Variants in DAB1 observed in about 807,000 individuals in gnomAD.
DAB1 encodes the protein DAB adaptor protein 1.
In DAB1, 15 loss-of-function variants were observed where a neutral mutation model predicts 64.6. The ratio of observed to expected loss-of-function variants is 0.23; its 90% CI spans 0.16 to 0.36. DAB1 has a LOEUF of 0.36. DAB1 is among the 10% of genes least tolerant of loss of function. The pLI is 1.00. For missense variants in DAB1, 596 were observed against 706.7 expected, an observed-to-expected ratio of 0.84 and a Z score of 1.78; for synonymous variants, 235 against 251.9, an observed-to-expected ratio of 0.93 and a Z score of 0.64.
intron 3 of DAB1, among the ~76,000 whole-genome samples, chr1:58,438,841 T>G (rs1644974143): frequency 6.6e-6 from 1 of 152,234 alleles, no homozygotes; most frequent in African/African-American, 2.4e-5. Flanking sequence ...CTTCCTGTTC[T>G]TTCTCCTGCT....
intron 7 of DAB1, among the ~76,000 whole-genome samples, chr1:57,460,793 C>G (rs937200376): frequency 6.6e-6 from 1 of 152,164 alleles, no homozygotes; most frequent in African/African-American, 2.4e-5. Context: ...ACCCCAGGAC[C>G]AGGGTACCTC....
intron 4 of DAB1, among the ~76,000 whole-genome samples, chr1:58,309,075 T>G (rs1662371694): frequency 6.6e-6 from 1 of 152,188 alleles, no homozygotes; most frequent in South Asian, 2.1e-4. Flanking sequence ...AGAAAAAAGC[T>G]TAGCCTTAGA....
chr1:58,534,796 C>T (rs6682499), intron 1 of DAB1, among the ~76,000 whole-genome samples: 17,716 of 152,052 alleles, frequency 0.12, 1,236 homozygotes, highest in African/African-American at 0.18. Flanking sequence ...ATTAGCCAGG[C>T]GTGGTGGCAT....
chr1:58,449,008 G>A (rs1272578974), intron 3 of DAB1, among the ~76,000 whole-genome samples: 5 of 152,190 alleles, frequency 3.3e-5, no homozygotes, highest in Admixed American at 2.0e-4. Flanking sequence ...TAGCGTAGAA[G>A]GCAAAACAAA....
chr1:57,582,214 T>C (rs953053646), intron 7 of DAB1, among the ~76,000 whole-genome samples: 2 of 152,216 alleles, frequency 1.3e-5, no homozygotes, highest in African/African-American at 4.8e-5. Context: ...AGAGGGTTAA[T>C]TGACTCACAG....
At chr1:57,568,395 G>A (rs1408563206) in intron 7 of DAB1, among the ~76,000 whole-genome samples, 9 of 152,154 alleles carry the variant, frequency 5.9e-5, no homozygotes, top group Non-Finnish European at 1.2e-4. Context: ...AACACCAAAA[G>A]CAATGGCAAC....
At chr1:57,042,287 G>C (rs148106435) in intron 9 of DAB1, among the ~76,000 whole-genome samples, 1 of 152,184 alleles carries the variant, frequency 6.6e-6, no homozygotes, top group African/African-American at 2.4e-5. Context: ...AAAATAGTTT[G>C]TGTGTGTCTT....
At chr1:57,792,574 A>C (rs1322666839) in intron 6 of DAB1, among the ~76,000 whole-genome samples, 1 of 152,188 alleles carries the variant, frequency 6.6e-6, no homozygotes, top group East Asian at 1.9e-4. Context: ...ATCAGCTCAC[A>C]GTTTATTTCT....
intron 4 of DAB1, among the ~76,000 whole-genome samples, chr1:57,098,253 T>C (rs754517193): frequency 1.9e-4 from 29 of 152,236 alleles, no homozygotes; most frequent in Non-Finnish European, 3.8e-4. Context: ...TACTGTCTAC[T>C]TGGTGCCAGT....
At chr1:57,400,289 G>GA (rs1436546878) in intron 1 of DAB1, among the ~76,000 whole-genome samples, 12 of 150,274 alleles carry the variant, frequency 8.0e-5, no homozygotes, top group Admixed American at 3.3e-4. Context: ...TGGAGAGAAA[G>GA]AAAAAAAAAC....
At chr1:57,037,228 C>T (rs1286758994) in intron 9 of DAB1, among the ~76,000 whole-genome samples, 1 of 152,166 alleles carries the variant, frequency 6.6e-6, no homozygotes, top group Non-Finnish European at 1.5e-5. Flanking sequence ...CAGAAGGTTC[C>T]TAGGAAAACT....
At chr1:58,062,981 T>G (rs1557633160) in intron 5 of DAB1, among the ~76,000 whole-genome samples, 3 of 152,222 alleles carry the variant, frequency 2.0e-5, no homozygotes. Context: ...CCAACTTATT[T>G]ATTCATTCAT....
At chr1:58,139,447 A>C (rs1285825633) in intron 5 of DAB1, among the ~76,000 whole-genome samples, 1 of 152,210 alleles carries the variant, frequency 6.6e-6, no homozygotes, top group Non-Finnish European at 1.5e-5. Context: ...CCTTCTTCAC[A>C]TGGCATTAGC....
intron 4 of DAB1, among the ~76,000 whole-genome samples, chr1:58,238,936 T>C (rs963261975): frequency 6.6e-6 from 1 of 152,130 alleles, no homozygotes; most frequent in Non-Finnish European, 1.5e-5. Flanking sequence ...AGAAGGTATA[T>C]ACCATATGCA....
intron 4 of DAB1, among the ~76,000 whole-genome samples, chr1:58,323,924 CA>C (rs11432020): frequency 3.1e-3 from 246 of 80,058 alleles, no homozygotes; most frequent in Admixed American, 4.1e-3. Context: ...GACTCCATCT[CA>C]AAAAAAAAAA....
intron 7 of DAB1, among the ~76,000 whole-genome samples, chr1:57,612,195 T>TTGTGTGTGTGTGTGTGTG (rs58605325): frequency 1.3e-5 from 2 of 149,556 alleles, no homozygotes; most frequent in African/African-American, 4.9e-5. Context: ...TGGCATGATC[T>TTGTGTGTGTGTGTGTGTG]TGTGTGTGTG....
At chr1:57,082,510 T>C (rs1459815283) in intron 4 of DAB1, among the ~76,000 whole-genome samples, 1 of 152,226 alleles carries the variant, frequency 6.6e-6, no homozygotes, top group East Asian at 1.9e-4. Flanking sequence ...TTTTCTGTTT[T>C]ATGTTATTTG....
At chr1:57,500,093 T>A (rs1644273668) in intron 7 of DAB1, among the ~76,000 whole-genome samples, 1 of 152,356 alleles carries the variant, frequency 6.6e-6, no homozygotes, top group South Asian at 2.1e-4. Context: ...AGATTTATAG[T>A]TTGCTTCGCA....
rs200081094 is a variant in DAB1 at position 58,494,941 on chromosome 1, A to G, written n.257+11119T>C. ...TGGGTATATACCTAAAGGATTATAAATCATGCTGCTATAAAGACACATGCA... is the reference window on the plus strand; with the variant it reads ...TGGGTATATACCTAAAGGATTATAAGTCATGCTGCTATAAAGACACATGCA... On this transcript the variant is annotated intron_variant and non_coding_transcript_variant, in intron 3 of 20. Transcript: ENST00000485760. Among the ~76,000 whole-genome samples, 31 of 152,360 alleles carry G rather than the reference A, an allele frequency of 2.0e-4. No individual in the cohort carries two copies. The East Asian group carries it at 2.3e-3, about 11-fold the overall frequency.
Sources: allele counts gnomAD v4.1 joint callset (sites outside exome capture counted in the v4.1 genomes callset), GRCh38; gene constraint gnomAD v4.1.1; transcripts MANE v1.5; gene names NCBI Gene and HGNC (gene_info 2026-07-23, HGNC 2026-07-21).